Variants in PTPN5 observed in about 807,000 individuals in gnomAD.
PTPN5 encodes tyrosine-protein phosphatase non-receptor type 5.
A neutral mutation model predicts 73.9 loss-of-function variants in PTPN5; 29 were observed. The ratio of observed to expected loss-of-function variants is 0.39; its 90% CI spans 0.29 to 0.54. The LOEUF (loss-of-function observed/expected upper bound fraction) is 0.54. Among genes scored for constraint, PTPN5 ranks in the 20% least tolerant of loss-of-function variants. PTPN5 has a pLI of 0.65. For missense variants in PTPN5, 652 were observed against 751.4 expected, an observed-to-expected ratio of 0.87 and a Z score of 1.55; for synonymous variants, 267 against 304.7, an observed-to-expected ratio of 0.88 and a Z score of 1.29.
Position 18,733,238 on chromosome 11 carries a change from G to A in PTPN5, c.1215C>T (p.Asn405=), listed in dbSNP as rs199919579. The A allele has an allele frequency of 9.3e-6, 15 of 1,611,788 alleles. No homozygotes were observed. The highest frequency in any genetic ancestry group is 6.7e-5 in the East Asian group (3 of 44,778). Residue 405 remains asparagine, a synonymous_variant, in exon 11 of 15, where the codon AAC becomes AAT. Transcript: ENST00000358540. This position sits in a 1 kb window ranked among gnomAD's most constrained non-coding sequence, Gnocchi z 4.3. ...GAATGGGGACGGGGGTCCCTACCTCGTTCATCTCCTCGATGTTGGTGATCA... is the reference window on the plus strand; with the variant it reads ...GAATGGGGACGGGGGTCCCTACCTCATTCATCTCCTCGATGTTGGTGATCA... ...IVMITNIEEM[N]EKCTEYWPEE...
At chr11:18,744,688 G>A (rs1215517623) in intron 3 of PTPN5, among the ~76,000 whole-genome samples, 2 of 152,134 alleles carry the variant, frequency 1.3e-5, no homozygotes, top group East Asian at 3.9e-4. Context: ...CCACATCCAT[G>A]TGCCCCCACC....
intron 12 of PTPN5, chr11:18,730,313 T>C (rs2134184927): frequency 4.9e-6 from 1 of 202,366 alleles, no homozygotes; most frequent in Admixed American, 5.9e-5. Flanking sequence ...ACCTTTATCA[T>C]TGCTCGAGTG....
At chr11:18,791,482 C>G (rs2134390451) in intron 1 of PTPN5, 43 bp downstream of exon 1, 1 of 152,266 alleles carries the variant, frequency 6.6e-6, no homozygotes, top group African/African-American at 2.4e-5. Flanking sequence ...CCTCCACCTT[C>G]CGGCTCCGCA....
At chr11:18,743,107 G>C (rs1272631993) in intron 5 of PTPN5, 32 bp from the exon 6 acceptor site, 1 of 1,458,368 alleles carries the variant, frequency 6.9e-7, no homozygotes, top group East Asian at 2.5e-5. Context: ...GGTCAGGGTG[G>C]TGGTGGGGGC....
chr11:18,741,464 C>T (rs1355105231), intron 7 of PTPN5, among the ~76,000 whole-genome samples: 1 of 152,116 alleles, frequency 6.6e-6, no homozygotes, highest in Non-Finnish European at 1.5e-5. Flanking sequence ...CCAGGCTCTC[C>T]CAGTAAGGGG....
rs1435564759 is a variant in PTPN5, at chr11:18,730,167, T to C, written c.1330-349A>G. The C allele has an allele frequency of 1.4e-4, 65 of 467,312 alleles. 1 individual carries two copies. Among genetic ancestry groups the C allele is most frequent in the Non-Finnish European group, 3.4e-5 (9 of 267,760 alleles). 28.9% of individuals were successfully genotyped at this position (467,312 alleles called of 1,614,324 possible). Reference sequence around the variant, plus strand: ...GTCCCCCAGTCATCCCTTTGTCACATAACCCAGCCCCGGGACTCTTCTTCG... The same window carrying C: ...GTCCCCCAGTCATCCCTTTGTCACACAACCCAGCCCCGGGACTCTTCTTCG... On this transcript the variant is annotated intron_variant, in intron 12 of 14. Transcript: ENST00000358540.
At chr11:18,782,976 A>G in intron 1 of PTPN5, among the ~76,000 whole-genome samples, 1 of 152,244 alleles carries the variant, frequency 6.6e-6, no homozygotes, top group Admixed American at 6.5e-5. Context: ...CCACATCTGT[A>G]CTTTGGTAAG....
At chr11:18,735,135 G>A (rs760011673) in intron 9 of PTPN5, among the ~76,000 whole-genome samples, 31 of 152,176 alleles carry the variant, frequency 2.0e-4, no homozygotes, top group Non-Finnish European at 3.5e-4. Flanking sequence ...TGTTATTCCT[G>A]ACATTATTAC....
chr11:18,763,094 G>A (rs2134289903), intron 3 of PTPN5, among the ~76,000 whole-genome samples: 1 of 152,310 alleles, frequency 6.6e-6, no homozygotes, highest in Middle Eastern at 3.4e-3. Flanking sequence ...CCATGGAGGA[G>A]GCAAATAATT....
intron 8 of PTPN5, among the ~76,000 whole-genome samples, chr11:18,740,065 C>T (rs2134214033): frequency 6.6e-6 from 1 of 152,330 alleles, no homozygotes; most frequent in Middle Eastern, 3.4e-3. Context: ...GCTGAGCACT[C>T]AGGCAGGTAA....
chr11:18,767,009 C>A (rs1590584531), intron 2 of PTPN5, among the ~76,000 whole-genome samples: 1 of 152,216 alleles, frequency 6.6e-6, no homozygotes, highest in Admixed American at 6.5e-5. Flanking sequence ...GGACAATATG[C>A]CCTTCAAGAC....
chr11:18,752,149 T>C (rs1388557959), intron 3 of PTPN5, among the ~76,000 whole-genome samples: 2 of 152,200 alleles, frequency 1.3e-5, no homozygotes, highest in East Asian at 1.9e-4. Context: ...GAGAATTGCT[T>C]GAACCTGGGA....
At position 18,728,736 on chromosome 11, in the gene PTPN5, C is replaced by G. The variant is rs2134178688; in HGVS notation, c.*198G>C. The G allele has an allele frequency of 1.8e-6, 1 of 544,128 alleles. No individual in the cohort carries two copies. Among genetic ancestry groups the G allele is most frequent in the East Asian group, 3.4e-5 (1 of 29,226 alleles). 33.7% of individuals were successfully genotyped at this position (544,128 alleles called of 1,614,324 possible). A position where few individuals can be genotyped will look rare whatever the true frequency, so the allele number is the denominator to read the frequency against. ...CTGGCCTGGCATGTCCCTTCCCGACCCTGCCCCCCACTCCCCAATATGTAC... is the reference window on the plus strand; with the variant it reads ...CTGGCCTGGCATGTCCCTTCCCGACGCTGCCCCCCACTCCCCAATATGTAC... On this transcript the variant is annotated 3_prime_UTR_variant, in exon 15 of 15. Transcript: ENST00000358540. The surrounding 1 kb of genome is among the most constrained non-coding windows in gnomAD (Gnocchi z 4.1).
At position 18,742,329 on chromosome 11, in the gene PTPN5, C is replaced by T; in HGVS notation, c.658G>A (p.Val220Met). ...TCAGCCTCAGGCTTGATGTCCATCACACAATCAAACACAGGAGTCTCGGGC... is the reference window on the plus strand; with the variant it reads ...TCAGCCTCAGGCTTGATGTCCATCATACAATCAAACACAGGAGTCTCGGGC... ...PVPETPVFDC[V>M]MDIKPEADPT... Residue 220 changes from valine (V) to methionine (M), a missense_variant, in exon 7 of 15, where the codon GTG (valine) becomes ATG (methionine). Physicochemically the swap from Val to Met is conservative, Grantham distance 21. Coordinates refer to ENST00000358540, the MANE Select transcript of PTPN5 (RefSeq NM_006906.2). This position sits in a 1 kb window ranked among gnomAD's most constrained non-coding sequence, Gnocchi z 4.1. 1 of 1,614,154 alleles carries T rather than the reference C, an allele frequency of 6.2e-7. No individual in the cohort carries two copies. The highest frequency in any genetic ancestry group is 8.5e-7 in the Non-Finnish European group (1 of 1,180,032).
In PTPN5 at chr11:18,767,093, C is replaced by T. The variant is rs1030016106; in HGVS notation, c.21-1210G>A. On this transcript the variant is annotated intron_variant, in intron 2 of 14. Coordinates refer to ENST00000358540, the MANE Select transcript of PTPN5 (RefSeq NM_006906.2). ...CGCCAGTGGGATGTGATTTCTGAAA[C>T]TGGCAACCAAAAGAACCTTTGACAT... Among the ~76,000 whole-genome samples the T allele has an allele frequency of 3.9e-5, 6 of 152,240 alleles. No homozygotes were observed. In the South Asian group the frequency reaches 1.2e-3, roughly 31 times the overall value.
At chr11:18,792,342 T>A (rs1242250947), upstream of PTPN5, 2 of 152,312 alleles carry the variant, frequency 1.3e-5, no homozygotes, top group East Asian at 3.9e-4. Context: ...CTAGGGCGCA[T>A]GCAATACCAG....
chr11:18,740,731 A>C lies in PTPN5; in HGVS notation c.787T>G (p.Phe263Val). The C allele has an allele frequency of 1.2e-6, 2 of 1,601,352 alleles. No homozygotes were observed. Among genetic ancestry groups the C allele is most frequent in the South Asian group, 2.2e-5 (2 of 89,282 alleles). The change falls in exon 8 of 15, where the codon TTT (phenylalanine) becomes GTT (valine). Residue 263 changes from phenylalanine to valine, a missense_variant. Around this residue, in one of 3 missense-constraint regions of PTPN5, gnomAD observed 529 missense variants for 573.9 expected, o/e 0.92. Coordinates refer to ENST00000358540, the MANE Select transcript of PTPN5 (RefSeq NM_006906.2). ...MCTPGCNEEG[F>V]GYLMSPREES... ...TCACGTGGGGACATGAGATAGCCAAAGCCCTCCTCGTTGCAGCCCGGAGTG... is the reference window on the plus strand; with the variant it reads ...TCACGTGGGGACATGAGATAGCCAACGCCCTCCTCGTTGCAGCCCGGAGTG...
chr11:18,778,804 AT>A (rs905535105), intron 1 of PTPN5, among the ~76,000 whole-genome samples: 3 of 152,168 alleles, frequency 2.0e-5, no homozygotes, highest in African/African-American at 7.2e-5. Context: ...AAATTGCTGC[AT>A]TTCTTTATAG....
At chr11:18,776,424 C>T (rs1851160666) in intron 1 of PTPN5, among the ~76,000 whole-genome samples, 1 of 152,166 alleles carries the variant, frequency 6.6e-6, no homozygotes, top group South Asian at 2.1e-4. Flanking sequence ...TCTTACCCCT[C>T]CATACGGTCA....
Sources: gnomAD v4.1 joint callset for allele counts (sites outside exome capture counted in the v4.1 genomes callset) on GRCh38, gnomAD v4.1.1 for gene constraint, gnomAD v4.1.1 regional missense constraint, Gnocchi (gnomAD v3.1) non-coding constraint, MANE v1.5 for transcripts, NCBI Gene and HGNC (gene_info 2026-07-23, HGNC 2026-07-21) for gene names.